Variants in ATG4B observed in about 807,000 individuals in gnomAD.
ATG4B encodes the protein autophagy related 4B cysteine peptidase, also known as cysteine protease ATG4B.
A neutral mutation model predicts 56.6 loss-of-function variants in ATG4B; 29 were observed. That is an observed-to-expected ratio of 0.51 (90% confidence interval 0.38 to 0.70). The LOEUF (loss-of-function observed/expected upper bound fraction) is 0.70. Ranked by LOEUF, ATG4B falls within the 30% of genes least tolerant of loss-of-function variation. ATG4B has a pLI of 0.00. For synonymous variants in ATG4B, 224 were observed against 206.1 expected, an observed-to-expected ratio of 1.09 and a Z score of -0.74; for missense variants, 461 against 515.5, an observed-to-expected ratio of 0.89 and a Z score of 1.02.
intron 1 of ATG4B, among the ~76,000 whole-genome samples, chr2:241,644,305 T>C (rs2125114714): frequency 6.6e-6 from 1 of 152,246 alleles, no homozygotes; most frequent in South Asian, 2.1e-4. Context: ...ATCACACCAC[T>C]GCACTCCAGC....
At chr2:241,642,032 A>G (rs2067904400) in intron 1 of ATG4B, among the ~76,000 whole-genome samples, 1 of 119,060 alleles carries the variant, frequency 8.4e-6, no homozygotes, top group Admixed American at 7.8e-5. Context: ...GTGGTTGGTA[A>G]TAAAAAAAAA....
Position 241,651,987 on chromosome 2 carries a change from C to T in ATG4B, c.184+652C>T, listed in dbSNP as rs1220122971. 1.5e-6 allele frequency: 2 copies of T among 1,303,360 alleles called. No individual in the cohort carries two copies. 80.7% of individuals were successfully genotyped at this position (1,303,360 alleles called of 1,614,324 possible). ...ACTGAGGCCGGAGGTGAGGGCCGGGCTGGCGTCATGCTTCCTCAGTGCCAG... is the reference window on the plus strand; with the variant it reads ...ACTGAGGCCGGAGGTGAGGGCCGGGTTGGCGTCATGCTTCCTCAGTGCCAG... On this transcript the variant is annotated intron_variant, in intron 3 of 12. Transcript: ENST00000404914. The surrounding 1 kb of genome is among the most constrained non-coding windows in gnomAD (Gnocchi z 4.1).
intron 1 of ATG4B, among the ~76,000 whole-genome samples, chr2:241,643,752 G>A (rs965674675): frequency 3.5e-5 from 5 of 143,838 alleles, no homozygotes; most frequent in Middle Eastern, 4.3e-3. Flanking sequence ...TCACTGCAAC[G>A]GGGTTTTGCC....
chr2:241,665,547 A>C (rs1318550434), intron 7 of ATG4B, among the ~76,000 whole-genome samples: 1 of 152,158 alleles, frequency 6.6e-6, no homozygotes, highest in Admixed American at 6.5e-5. Context: ...ACCATCCCAC[A>C]CGCTGGATTT....
chr2:241,663,091 G>C (rs867277747), intron 7 of ATG4B, among the ~76,000 whole-genome samples: 4 of 152,132 alleles, frequency 2.6e-5, no homozygotes, highest in African/African-American at 9.7e-5. Context: ...AAGTTAGCTG[G>C]GCATGGTGGC....
chr2:241,637,794 G>T, intron 1 of ATG4B, 70 bp downstream of exon 1: 1 of 1,478,996 alleles, frequency 6.8e-7, no homozygotes, highest in Non-Finnish European at 8.9e-7. Context: ...CCCTGCTCGG[G>T]TCGGGCTGCC....
At chr2:241,637,888 G>T in intron 1 of ATG4B, 164 bp downstream of exon 1, 1 of 530,938 alleles carries the variant, frequency 1.9e-6, no homozygotes, top group East Asian at 5.0e-5. Flanking sequence ...GTGTTGGTGG[G>T]TGGTGGGCGG....
intron 8 of ATG4B, chr2:241,667,770 G>C (rs2068825675): frequency 5.0e-6 from 1 of 200,882 alleles, no homozygotes. Context: ...TGCCCATCCT[G>C]TGGGGTCTCA....
chr2:241,651,410 T>C lies in ATG4B; in HGVS notation c.184+75T>C. 3.5e-6 allele frequency: 4 copies of C among 1,158,392 alleles called. No homozygotes were observed. The highest frequency in any genetic ancestry group is 5.0e-6 in the Non-Finnish European group (4 of 804,176). 71.8% of individuals were successfully genotyped at this position (1,158,392 alleles called of 1,614,324 possible). On this transcript the variant is annotated intron_variant, in intron 3 of 12. Transcript: ENST00000404914. This position sits in a 1 kb window ranked among gnomAD's most constrained non-coding sequence, Gnocchi z 4.1. The stretch of plus-strand genomic sequence containing the variant: ...GGAGGAAAACTTACGCTTGTAGATT[T>C]GACTTCAATATGCCACTGACTTCAT...
At chr2:241,671,214 A>G in intron 11 of ATG4B, 98 bp from the exon 12 acceptor site, 1 of 1,039,894 alleles carries the variant, frequency 9.6e-7, no homozygotes. Flanking sequence ...AGATGGGATG[A>G]CAGGTTTGTC....
At chr2:241,663,520 G>C (rs1307019611) in intron 7 of ATG4B, among the ~76,000 whole-genome samples, 1 of 152,208 alleles carries the variant, frequency 6.6e-6, no homozygotes, top group Non-Finnish European at 1.5e-5. Context: ...GATGTGTACA[G>C]AACTCAGAAG....
intron 11 of ATG4B, 47 bp downstream of exon 11, chr2:241,670,829 G>A: frequency 6.4e-7 from 1 of 1,568,808 alleles, no homozygotes; most frequent in Admixed American, 1.9e-5. Flanking sequence ...CACCCAGGGA[G>A]ACAGGCAGTG....
chr2:241,640,928 C>T (rs185252989), intron 1 of ATG4B, among the ~76,000 whole-genome samples: 18 of 152,098 alleles, frequency 1.2e-4, no homozygotes, highest in Non-Finnish European at 7.4e-5. Context: ...AGTGTTTATT[C>T]TGAACAGGAT....
At chr2:241,665,574 T>C (rs147700607) in intron 7 of ATG4B, among the ~76,000 whole-genome samples, 30 of 152,360 alleles carry the variant, frequency 2.0e-4, no homozygotes, top group African/African-American at 6.5e-4. Flanking sequence ...TTCCTCACAG[T>C]TGGGCTTGGG....
chr2:241,648,692 G>A (rs1262350544), intron 1 of ATG4B, among the ~76,000 whole-genome samples: 1 of 152,042 alleles, frequency 6.6e-6, no homozygotes, highest in Non-Finnish European at 1.5e-5. Context: ...CACAACGCCC[G>A]TCATCTTGCT....
At chr2:241,656,320 G>A (rs959493516) in intron 6 of ATG4B, among the ~76,000 whole-genome samples, 2 of 151,972 alleles carry the variant, frequency 1.3e-5, no homozygotes, top group South Asian at 2.1e-4. Context: ...CGTCACCCCC[G>A]TCCCACATCC....
In ATG4B at chr2:241,664,686, C is replaced by T. The variant is rs551287071; in HGVS notation, c.539-1959C>T. On this transcript the variant is annotated intron_variant, in intron 7 of 12. Transcript: ENST00000404914. ...TCTATAAGAAATAGAAAAATGAGGC[C>T]AGGCACATGGCTCATGTCTGTAATC... 6.6e-5 allele frequency among the ~76,000 whole-genome samples: 10 copies of T among 152,154 alleles called. No individual in the cohort carries two copies. In the South Asian group the frequency reaches 1.0e-3, roughly 16 times the overall value.
chr2:241,643,694 T>TCCCC (rs200143016), intron 1 of ATG4B, among the ~76,000 whole-genome samples: 10 of 121,922 alleles, frequency 8.2e-5, no homozygotes, highest in African/African-American at 3.5e-4. Flanking sequence ...GTATATATTT[T>TCCCC]CCCCCCCCCC....
chr2:241,660,163 C>G (rs1442431096), intron 7 of ATG4B, among the ~76,000 whole-genome samples: 1 of 152,226 alleles, frequency 6.6e-6, no homozygotes, highest in Non-Finnish European at 1.5e-5. Context: ...GCACTCCAGC[C>G]TGGCCACAGA....
Sources: allele counts gnomAD v4.1 joint callset (sites outside exome capture counted in the v4.1 genomes callset), GRCh38; gene constraint gnomAD v4.1.1; non-coding constraint Gnocchi (gnomAD v3.1); transcripts MANE v1.5; gene names NCBI Gene and HGNC (gene_info 2026-07-23, HGNC 2026-07-21).